Variants in SCN2A observed in about 807,000 individuals in gnomAD.
SCN2A encodes sodium channel protein type 2 subunit alpha.
Under a neutral mutation model 188.7 loss-of-function variants are expected in SCN2A, and 20 were observed. That is an observed-to-expected ratio of 0.11 (90% confidence interval 0.07 to 0.15). The LOEUF is 0.15. Ranked by LOEUF, SCN2A falls within the 10% of genes least tolerant of loss-of-function variation. SCN2A has a pLI of 1.00. For missense variants in SCN2A, 1,278 were observed against 2,445.0 expected (o/e 0.52, Z 10.07); for synonymous variants, 804 against 833.1 (o/e 0.97, Z 0.60).
intron 1 of SCN2A, among the ~76,000 whole-genome samples, chr2:165,291,536 C>T (rs1004406719): frequency 1.3e-4 from 8 of 63,430 alleles, no homozygotes; most frequent in Middle Eastern, 5.1e-3. Context: ...TTCCTTCCTT[C>T]CTTCCTTCCT....
chr2:165,352,605 AC>A (rs1332783541), intron 16 of SCN2A, among the ~76,000 whole-genome samples: 2 of 152,198 alleles, frequency 1.3e-5, no homozygotes, highest in Non-Finnish European at 2.9e-5. Context: ...GCTTTTGAGC[AC>A]CAACCTGATA....
In SCN2A at chr2:165,389,597, A is replaced by G. The variant is rs758820824; in HGVS notation, c.5791A>G (p.Ile1931Val). The change falls in exon 27 of 27, where the codon ATA becomes GTA. Residue 1931 changes from isoleucine (I) to valine (V), a missense_variant. Physicochemically the swap from Ile to Val is conservative, Grantham distance 29 (BLOSUM62 3). This residue lies in a region of SCN2A where 109 missense variants were observed against 137.9 expected (regional missense o/e 0.79). Coordinates refer to ENST00000375437, the MANE Select transcript of SCN2A (RefSeq NM_001040142.2). The surrounding 1 kb of genome is among the most constrained non-coding windows in gnomAD (Gnocchi z 4.2). ...GCAAAAAGTTAAAAAGGTATCAAGT[A>G]TATACAAGAAAGACAAAGGCAAAGA... ...LKQKVKKVSSIYKKDKGKECD... is the reference protein window; with the variant it reads ...LKQKVKKVSSVYKKDKGKECD... 7.4e-6 allele frequency: 12 copies of G among 1,613,882 alleles called. No homozygotes were observed. The highest frequency in any genetic ancestry group is 4.0e-5 in the African/African-American group (3 of 74,894).
chr2:165,273,487 T>C (rs1279000642), intron 1 of SCN2A: 4 of 152,198 alleles, frequency 2.6e-5, no homozygotes, highest in Admixed American at 2.6e-4. Flanking sequence ...TTTTATAAAG[T>C]AGGGATTTAA....
intron 11 of SCN2A, among the ~76,000 whole-genome samples, chr2:165,320,921 C>G (rs961366688): frequency 6.6e-6 from 1 of 152,198 alleles, no homozygotes. Flanking sequence ...CTCCTCATTA[C>G]TTATGCAAAT....
intron 22 of SCN2A, among the ~76,000 whole-genome samples, chr2:165,375,184 CA>C (rs1259612199): frequency 6.6e-6 from 1 of 151,932 alleles, no homozygotes; most frequent in East Asian, 1.9e-4. Flanking sequence ...GGAGGTTTCT[CA>C]AAAAACTAAA....
chr2:165,301,315 G>A (rs1696796471), intron 3 of SCN2A, among the ~76,000 whole-genome samples: 1 of 152,128 alleles, frequency 6.6e-6, no homozygotes, highest in Non-Finnish European at 1.5e-5. Context: ...TTTGGGAGCT[G>A]TCAGTGTACA....
rs964344098 is a variant in SCN2A at position 165,391,612 on chromosome 2, A to G, written c.*1788A>G. 1.3e-5 allele frequency: 2 copies of G among 152,490 alleles called. No individual in the cohort carries two copies. The highest frequency in any genetic ancestry group is 2.9e-5 in the Non-Finnish European group (2 of 67,972). The allele number at this position is 152,490 out of a possible 1,614,324, so 9.4% of individuals were successfully genotyped here. On this transcript the variant is annotated 3_prime_UTR_variant, in exon 27 of 27. Transcript: ENST00000375437. ...TGAAACAAATCTCAAACTGAGTTCA[A>G]TGTTTATTTGCTTTCAATAGTAATG... is the stretch of plus-strand genomic sequence containing the variant.
chr2:165,380,931 T>C, intron 24 of SCN2A, 162 bp from the exon 25 acceptor site: 1 of 675,120 alleles, frequency 1.5e-6, no homozygotes, highest in Non-Finnish European at 2.6e-6. Flanking sequence ...GAAATATGAC[T>C]AATATGGCAT....
intron 7 of SCN2A, 73 bp downstream of exon 7, chr2:165,310,668 T>A: frequency 1.8e-6 from 2 of 1,106,784 alleles, no homozygotes; most frequent in East Asian, 2.7e-5. Flanking sequence ...ATGGAAATTA[T>A]CTCAATTTAG....
Position 165,295,888 on chromosome 2 carries a change from T to TTGC in SCN2A, c.70_72dup (p.Ala24dup). 1 of 1,614,198 alleles carries TTGC rather than the reference T, an allele frequency of 6.2e-7. No individual in the cohort carries two copies. On this transcript the variant is annotated inframe_insertion, in exon 2 of 27. Transcript: ENST00000375437. ...TTCCGCTTCTTTACCAGGGAATCCC[T>TTGC]TGCTGCTATTGAACAACGCATTGCA...
In SCN2A at chr2:165,263,761, T is replaced by C. The variant is rs11894137; in HGVS notation, c.-52+24121T>C. Among the ~76,000 whole-genome samples the C allele has an allele frequency of 8.0e-3, 1,220 of 152,160 alleles. 23 individuals carry two copies. The highest frequency in any genetic ancestry group is 0.027 in the African/African-American group (1,123 of 41,554). ...CTAGTTCTATGAAGAATAATGGTGG[T>C]ATTTTTATGGGAATTTGTTGTGTTT... On this transcript the variant is annotated intron_variant, in intron 1 of 26. Transcript: ENST00000375437.
At chr2:165,376,087 A>G (rs796672137) in intron 22 of SCN2A, among the ~76,000 whole-genome samples, 2 of 152,062 alleles carry the variant, frequency 1.3e-5, no homozygotes, top group African/African-American at 4.8e-5. Context: ...ACAAAATTCA[A>G]TTCGACAGGA....
chr2:165,282,173 C>A (rs192515640), intron 1 of SCN2A, among the ~76,000 whole-genome samples: 129 of 152,310 alleles, frequency 8.5e-4, no homozygotes, highest in Non-Finnish European at 1.6e-3. Context: ...AGTGCCAAGG[C>A]AGGTGAGAGA....
At chr2:165,257,342 A>G (rs1309672262) in intron 1 of SCN2A, among the ~76,000 whole-genome samples, 1 of 152,130 alleles carries the variant, frequency 6.6e-6, no homozygotes, top group African/African-American at 2.4e-5. Flanking sequence ...TACCTCAGAG[A>G]TATTACGGGT....
At chr2:165,269,256 AT>A (rs1268510806) in intron 1 of SCN2A, 1 of 152,072 alleles carries the variant, frequency 6.6e-6, no homozygotes, top group Non-Finnish European at 1.5e-5. Flanking sequence ...AATATATACA[AT>A]TTTTAATTGT....
rs149987700 is a variant in SCN2A at position 165,310,577 on chromosome 2, G to A, written c.952G>A (p.Glu318Lys). 287 of 1,611,038 alleles carry A rather than the reference G, an allele frequency of 1.8e-4. No homozygotes were observed. Among genetic ancestry groups the A allele is most frequent in the Non-Finnish European group, 2.3e-4 (273 of 1,177,900 alleles). ...GACAGTGAGCATATTTAACTGGGATGAATATATTGAGGATAAAAGTAAGAT... is the reference window on the plus strand; with the variant it reads ...GACAGTGAGCATATTTAACTGGGATAAATATATTGAGGATAAAAGTAAGAT... ...NRTVSIFNWD[E>K]YIEDKSHFYF... Residue 318 changes from glutamate (E) to lysine (K), a missense_variant, in exon 7 of 27, where the codon GAA becomes AAA. Glu to Lys is a moderately conservative substitution (Grantham distance 56, BLOSUM62 1). Transcript: ENST00000375437.
chr2:165,342,494 A>T, intron 15 of SCN2A, 25 bp downstream of exon 15: 2 of 1,611,972 alleles, frequency 1.2e-6, no homozygotes, highest in Non-Finnish European at 1.7e-6. Flanking sequence ...AGTGTTCATA[A>T]AATGTACTTT....
chr2:165,351,513 G>A (rs546490291), intron 16 of SCN2A, among the ~76,000 whole-genome samples: 14 of 150,402 alleles, frequency 9.3e-5, no homozygotes, highest in African/African-American at 2.9e-4. Context: ...ATGGAATACT[G>A]TTTCCTCACT....
intron 1 of SCN2A, among the ~76,000 whole-genome samples, chr2:165,252,024 G>C (rs1178661783): frequency 6.6e-6 from 1 of 151,844 alleles, no homozygotes; most frequent in Non-Finnish European, 1.5e-5. Context: ...TAAAATCCAG[G>C]AGTCTGACTC....
Sources: allele counts gnomAD v4.1 joint callset (sites outside exome capture counted in the v4.1 genomes callset), GRCh38; gene constraint gnomAD v4.1.1; regional missense constraint gnomAD v4.1.1; non-coding constraint Gnocchi (gnomAD v3.1); transcripts MANE v1.5; gene names NCBI Gene and HGNC (gene_info 2026-07-23, HGNC 2026-07-21).